The following KCNMB2 variants were observed in gnomAD, a reference collection of about 807,000 sequenced individuals.
KCNMB2 encodes calcium-activated potassium channel subunit beta-2.
In KCNMB2, 9 loss-of-function variants were observed where a neutral mutation model predicts 24.5. The ratio of observed to expected loss-of-function variants is 0.37; its 90% CI spans 0.22 to 0.64. KCNMB2 has a LOEUF of 0.64. Among genes scored for constraint, KCNMB2 ranks in the 30% least tolerant of loss-of-function variants. The pLI is 0.63. For synonymous variants in KCNMB2, 109 were observed against 104.4 expected, an observed-to-expected ratio of 1.04 and a Z score of -0.27; for missense variants, 226 against 284.3, an observed-to-expected ratio of 0.79 and a Z score of 1.47.
At chr3:178,678,415 A>G (rs12495211) in intron 1 of KCNMB2, among the ~76,000 whole-genome samples, 21,341 of 152,196 alleles carry the variant, frequency 0.14, 1,839 homozygotes, top group Admixed American at 0.22. Flanking sequence ...TTTATTTTAC[A>G]CAGGTATATA....
intron 1 of KCNMB2, among the ~76,000 whole-genome samples, chr3:178,801,309 T>A (rs7611115): frequency 0.71 from 108,114 of 151,946 alleles, 39,858 homozygotes; most frequent in African/African-American, 0.93. Context: ...TACTATATGC[T>A]ATACTATGCA....
At chr3:178,589,867 A>T (rs762935478) in intron 1 of KCNMB2, among the ~76,000 whole-genome samples, 7 of 152,200 alleles carry the variant, frequency 4.6e-5, no homozygotes, top group Non-Finnish European at 1.0e-4. Flanking sequence ...TTGTGGGTTA[A>T]TTCACTGAAG....
intron 1 of KCNMB2, among the ~76,000 whole-genome samples, chr3:178,561,482 A>G (rs1716315428): frequency 2.0e-5 from 3 of 152,092 alleles, no homozygotes; most frequent in Admixed American, 2.0e-4. Flanking sequence ...TGGCTCTACG[A>G]CTCTCAGTAA....
rs1337045687 is a variant in KCNMB2 at position 178,709,920 on chromosome 3, C to T, written c.-67-97423C>T. On this transcript the variant is annotated intron_variant, in intron 1 of 4. Transcript: ENST00000452583. ...CAGCTGAGATTGTATGGATAAGGTCCCTGTGCAAAATATAGTTAGGGTCCA... is the reference window on the plus strand; with the variant it reads ...CAGCTGAGATTGTATGGATAAGGTCTCTGTGCAAAATATAGTTAGGGTCCA... 6.6e-5 allele frequency among the ~76,000 whole-genome samples: 10 copies of T among 151,980 alleles called. 1 individual carries two copies. The South Asian group carries it at 1.5e-3, about 22-fold the overall frequency.
intron 2 of KCNMB2, among the ~76,000 whole-genome samples, chr3:178,820,891 A>ATCTACT (rs1714599153): frequency 1.3e-5 from 2 of 152,358 alleles, no homozygotes; most frequent in East Asian, 3.9e-4. Context: ...GACTGCACAT[A>ATCTACT]TCTACTATTT....
At chr3:178,818,287 T>A (rs1213021878) in intron 2 of KCNMB2, among the ~76,000 whole-genome samples, 1 of 152,186 alleles carries the variant, frequency 6.6e-6, no homozygotes, top group African/African-American at 2.4e-5. Context: ...TGTTCTTAAG[T>A]TCTGGGGTAC....
intron 1 of KCNMB2, among the ~76,000 whole-genome samples, chr3:178,556,989 T>C (rs1245772825): frequency 6.6e-6 from 1 of 152,172 alleles, no homozygotes; most frequent in Non-Finnish European, 1.5e-5. Context: ...GGAAGGTGTT[T>C]TATTAGGATA....
intron 1 of KCNMB2, among the ~76,000 whole-genome samples, chr3:178,550,496 A>G (rs570272506): frequency 6.6e-6 from 1 of 151,046 alleles, no homozygotes; most frequent in Non-Finnish European, 1.5e-5. Context: ...TTGCCCCACG[A>G]AGGCATTATA....
chr3:178,785,551 G>A (rs962682749), intron 1 of KCNMB2, among the ~76,000 whole-genome samples: 4 of 151,870 alleles, frequency 2.6e-5, no homozygotes, highest in Non-Finnish European at 5.9e-5. Flanking sequence ...AAAAACCTAT[G>A]AAATGAATCT....
chr3:178,697,462 T>G (rs1337632256), intron 1 of KCNMB2, among the ~76,000 whole-genome samples: 1 of 152,168 alleles, frequency 6.6e-6, no homozygotes, highest in Non-Finnish European at 1.5e-5. Context: ...CTTGGTATAT[T>G]TTTTCTCCAC....
chr3:178,814,591 TC>T (rs1714331047), intron 2 of KCNMB2, among the ~76,000 whole-genome samples: 1 of 152,226 alleles, frequency 6.6e-6, no homozygotes, highest in Admixed American at 6.5e-5. Flanking sequence ...AAGTTACATT[TC>T]CACCAATAGT....
In KCNMB2 at chr3:178,825,753, G is replaced by A. The variant is rs747517782; in HGVS notation, c.222G>A (p.Met74Ile). 1.9e-6 allele frequency: 3 copies of A among 1,610,040 alleles called. No homozygotes were observed. Among genetic ancestry groups the A allele is most frequent in the Non-Finnish European group, 2.5e-6 (3 of 1,176,920 alleles). Residue 74 changes from methionine to isoleucine, a missense_variant, in exon 3 of 5, where the codon ATG becomes ATA. Coordinates refer to ENST00000452583, the MANE Select transcript of KCNMB2 (RefSeq NM_181361.3). ...LLGITLLRSY[M>I]QSVWTEESQC... ...GAATCACACTCCTGCGCTCATACAT[G>A]CAGAGGTAATACCACTGGGTGGGTG...
At chr3:178,808,798 G>C (rs1181960290) in intron 2 of KCNMB2, among the ~76,000 whole-genome samples, 5 of 152,178 alleles carry the variant, frequency 3.3e-5, no homozygotes, top group African/African-American at 1.2e-4. Flanking sequence ...ATATATATAG[G>C]CAAAAGTCTG....
chr3:178,667,943 G>A (rs1720776432), intron 1 of KCNMB2, among the ~76,000 whole-genome samples: 1 of 152,152 alleles, frequency 6.6e-6, no homozygotes, highest in Non-Finnish European at 1.5e-5. Context: ...TTACTGTGAG[G>A]ATGGTCCTCT....
chr3:178,766,971 T>C (rs1460853170), intron 1 of KCNMB2, among the ~76,000 whole-genome samples: 1 of 152,206 alleles, frequency 6.6e-6, no homozygotes, highest in Admixed American at 6.5e-5. Flanking sequence ...TAGTTCTCAA[T>C]ATGTAGGTTG....
At chr3:178,721,326 T>C (rs535485822) in intron 1 of KCNMB2, among the ~76,000 whole-genome samples, 1 of 152,324 alleles carries the variant, frequency 6.6e-6, no homozygotes, top group South Asian at 2.1e-4. Context: ...TCTGTTCCAT[T>C]GATCTGTATC....
chr3:178,545,378 C>T (rs1715741411), intron 1 of KCNMB2, among the ~76,000 whole-genome samples: 2 of 152,168 alleles, frequency 1.3e-5, no homozygotes, highest in South Asian at 4.1e-4. Context: ...GTCTTTTCCT[C>T]ATTGGATTTT....
chr3:178,595,766 G>A (rs537876621), intron 1 of KCNMB2, among the ~76,000 whole-genome samples: 85 of 152,170 alleles, frequency 5.6e-4, no homozygotes, highest in African/African-American at 1.3e-3. Context: ...ACCCAGTCTC[G>A]GGTATGTCTT....
chr3:178,691,341 AT>A (rs1721669241), intron 1 of KCNMB2, among the ~76,000 whole-genome samples: 3 of 141,950 alleles, frequency 2.1e-5, no homozygotes, highest in African/African-American at 7.9e-5. Flanking sequence ...GGCATTTCTT[AT>A]TTCATCACTG....
Sources: gnomAD v4.1 joint callset for allele counts (sites outside exome capture counted in the v4.1 genomes callset) on GRCh38, gnomAD v4.1.1 for gene constraint, MANE v1.5 for transcripts, NCBI Gene and HGNC (gene_info 2026-07-23, HGNC 2026-07-21) for gene names.